Variants in NKAIN2 observed in about 807,000 individuals in gnomAD.
The protein encoded by NKAIN2 is sodium/potassium-transporting ATPase subunit beta-1-interacting protein 2.
In NKAIN2, 14 loss-of-function variants were observed where a neutral mutation model predicts 32.6. The observed-to-expected ratio is 0.43, with a 90% CI of 0.28 to 0.67. NKAIN2 has a LOEUF of 0.67. NKAIN2 is among the 30% of genes least tolerant of loss of function. NKAIN2 has a pLI of 0.17. For synonymous variants in NKAIN2, 80 were observed against 87.2 expected, an observed-to-expected ratio of 0.92 and a Z score of 0.46; for missense variants, 198 against 258.3, an observed-to-expected ratio of 0.77 and a Z score of 1.60.
intron 1 of NKAIN2, among the ~76,000 whole-genome samples, chr6:123,883,607 C>CA (rs1481075503): frequency 6.6e-6 from 1 of 151,240 alleles, no homozygotes; most frequent in African/African-American, 2.4e-5. Flanking sequence ...TCCTTGTAAG[C>CA]CTTCAGAACC....
intron 3 of NKAIN2, among the ~76,000 whole-genome samples, chr6:124,582,372 TTA>T: frequency 6.6e-6 from 1 of 152,038 alleles, no homozygotes; most frequent in Non-Finnish European, 1.5e-5. Flanking sequence ...AAGAAACAGG[TTA>T]ATTCCTAGAC....
At chr6:124,751,239 G>C (rs1777703632) in intron 4 of NKAIN2, among the ~76,000 whole-genome samples, 1 of 152,042 alleles carries the variant, frequency 6.6e-6, no homozygotes, top group South Asian at 2.1e-4. Flanking sequence ...TTACATTTCA[G>C]AGAATGGTCT....
intron 1 of NKAIN2, among the ~76,000 whole-genome samples, chr6:124,217,785 GTACACACACACACATA>G (rs1305610633): frequency 8.5e-5 from 8 of 93,908 alleles, no homozygotes; most frequent in South Asian, 4.8e-4. Flanking sequence ...ATATATATAT[GTACACACACACACATA>G]TACACACACA....
intron 3 of NKAIN2, among the ~76,000 whole-genome samples, chr6:124,564,201 G>A (rs918453075): frequency 5.3e-5 from 8 of 152,072 alleles, no homozygotes; most frequent in African/African-American, 1.7e-4. Flanking sequence ...GCCAATCAGC[G>A]CTCTGTGTCT....
intron 3 of NKAIN2, among the ~76,000 whole-genome samples, chr6:124,365,240 G>C (rs962468433): frequency 1.2e-4 from 18 of 151,734 alleles, no homozygotes; most frequent in Admixed American, 3.3e-4. Flanking sequence ...AAAAGGCTAA[G>C]ATTGTTGGTC....
At chr6:124,558,868 G>T (rs946650668) in intron 3 of NKAIN2, among the ~76,000 whole-genome samples, 2 of 152,180 alleles carry the variant, frequency 1.3e-5, no homozygotes, top group African/African-American at 4.8e-5. Context: ...AGAATTGCTT[G>T]AACTGGGGAG....
chr6:123,936,099 G>C (rs967354412), intron 1 of NKAIN2, among the ~76,000 whole-genome samples: 1 of 152,142 alleles, frequency 6.6e-6, no homozygotes, highest in Non-Finnish European at 1.5e-5. Context: ...CACTAAAAGC[G>C]CCACTTTAAT....
intron 3 of NKAIN2, among the ~76,000 whole-genome samples, chr6:124,597,336 G>A (rs1479052): frequency 0.044 from 6,631 of 151,860 alleles, 205 homozygotes; most frequent in East Asian, 0.09. Context: ...AGGGAGCCAT[G>A]CAATATTTGG....
At chr6:123,983,964 A>G (rs1416499467) in intron 1 of NKAIN2, among the ~76,000 whole-genome samples, 1 of 152,072 alleles carries the variant, frequency 6.6e-6, no homozygotes. Context: ...CTAGAGTACA[A>G]TGGCACAATC....
At position 124,670,464 on chromosome 6, in the gene NKAIN2, G is replaced by A. The variant is rs1773042389; in HGVS notation, c.474+12078G>A. Among the ~76,000 whole-genome samples, 3 of 151,986 alleles carry A rather than the reference G, an allele frequency of 2.0e-5. No homozygotes were observed. In the South Asian group the frequency reaches 6.2e-4, roughly 32 times the overall value. ...AGCATTATTTTAAACATAGTTTATAGAAATCTTCACATACAAATTATTGTG... is the reference window on the plus strand; with the variant it reads ...AGCATTATTTTAAACATAGTTTATAAAAATCTTCACATACAAATTATTGTG... On this transcript the variant is annotated intron_variant, in intron 4 of 6. Transcript: ENST00000368417.
intron 4 of NKAIN2, among the ~76,000 whole-genome samples, chr6:124,690,847 CA>C (rs1233809434): frequency 1.3e-5 from 2 of 152,166 alleles, no homozygotes; most frequent in African/African-American, 4.8e-5. Context: ...ACATTAAAGT[CA>C]CACTTTCCTC....
At chr6:124,641,854 C>G (rs987707219) in intron 3 of NKAIN2, among the ~76,000 whole-genome samples, 4 of 151,996 alleles carry the variant, frequency 2.6e-5, no homozygotes, top group Non-Finnish European at 5.9e-5. Context: ...TGCACCCAGC[C>G]AAAAGATTAG....
rs1170765635 is a variant in NKAIN2 at position 124,791,489 on chromosome 6, TCC to T, written c.535+91_535+92del. On this transcript the variant is annotated intron_variant, in intron 5 of 6. Transcript: ENST00000368417. ...TAGCCTTCCTATTCCTCAGACAAGA[TCC>T]TACAACACAGCATTAGAATGGAAAA... The T allele has an allele frequency of 3.8e-6, 3 of 796,980 alleles. No homozygotes were observed. The African/African-American group carries it at 5.0e-5, about 13-fold the overall frequency. 49.4% of individuals were successfully genotyped at this position (796,980 alleles called of 1,614,324 possible).
intron 1 of NKAIN2, among the ~76,000 whole-genome samples, chr6:124,208,484 A>G (rs1454703813): frequency 6.6e-6 from 1 of 151,808 alleles, no homozygotes; most frequent in Non-Finnish European, 1.5e-5. Context: ...TGCTAGAAAA[A>G]TAATTGTTAG....
rs184090175 is a variant in NKAIN2, at chr6:123,922,186, G to T, written c.54+117932G>T. Among the ~76,000 whole-genome samples, 224 of 152,204 alleles carry T rather than the reference G, an allele frequency of 1.5e-3. 1 individual carries two copies. The highest frequency in any genetic ancestry group is 5.1e-3 in the African/African-American group (212 of 41,520). On this transcript the variant is annotated intron_variant, in intron 1 of 6. Coordinates refer to ENST00000368417, the MANE Select transcript of NKAIN2 (RefSeq NM_001040214.3). ...AAAAACCAGTATTTTTGGTTGATAG[G>T]CAACTTATTTAAATAGTTAAGCAAG...
intron 3 of NKAIN2, among the ~76,000 whole-genome samples, chr6:124,435,794 G>A (rs190181083): frequency 6.6e-6 from 1 of 151,836 alleles, no homozygotes; most frequent in Non-Finnish European, 1.5e-5. Flanking sequence ...TCTTTCTTAG[G>A]CTTACCTAAT....
intron 3 of NKAIN2, among the ~76,000 whole-genome samples, chr6:124,580,183 C>A (rs930593052): frequency 6.6e-6 from 1 of 151,958 alleles, no homozygotes; most frequent in Non-Finnish European, 1.5e-5. Context: ...CACAGAAAAC[C>A]AAAAACACAG....
At chr6:123,983,640 T>C (rs1779000363) in intron 1 of NKAIN2, among the ~76,000 whole-genome samples, 1 of 152,126 alleles carries the variant, frequency 6.6e-6, no homozygotes, top group South Asian at 2.1e-4. Flanking sequence ...ATTTCCACAC[T>C]ACCCCCCCAC....
chr6:124,051,833 C>T (rs995765843), intron 1 of NKAIN2, among the ~76,000 whole-genome samples: 1 of 151,958 alleles, frequency 6.6e-6, no homozygotes, highest in Non-Finnish European at 1.5e-5. Context: ...AGGCCAAAAG[C>T]AGATAAAAGT....
Sources: gnomAD v4.1 joint callset for allele counts (sites outside exome capture counted in the v4.1 genomes callset) on GRCh38, gnomAD v4.1.1 for gene constraint, MANE v1.5 for transcripts, NCBI Gene and HGNC (gene_info 2026-07-23, HGNC 2026-07-21) for gene names.